The following CTIF variants were observed in gnomAD, a reference collection of about 807,000 sequenced individuals.
CTIF encodes the protein CBP80/20-dependent translation initiation factor.
Under a neutral mutation model 66.0 loss-of-function variants are expected in CTIF, and 21 were observed. The ratio of observed to expected loss-of-function variants is 0.32; its 90% CI spans 0.23 to 0.46. CTIF has a LOEUF of 0.46. CTIF is among the 20% of genes least tolerant of loss of function. The pLI, the probability that CTIF is intolerant of heterozygous loss-of-function variation, is 1.00. For synonymous variants in CTIF, 345 were observed against 326.4 expected, an observed-to-expected ratio of 1.06 and a Z score of -0.62; for missense variants, 739 against 812.7, an observed-to-expected ratio of 0.91 and a Z score of 1.10.
rs563231654 is a variant in CTIF at position 48,778,531 on chromosome 18, G to T, written c.1371+16842G>T. 8.5e-5 allele frequency among the ~76,000 whole-genome samples: 13 copies of T among 152,280 alleles called. No individual in the cohort carries two copies. The South Asian group carries it at 2.7e-3, about 32-fold the overall frequency. On this transcript the variant is annotated intron_variant, in intron 9 of 11. Transcript: ENST00000256413. Reference sequence around the variant, plus strand: ...TTGTACCAGGGGAACCTGGCCAGGGGATGGCCGTTCAGCCTCTGGGCATGT... The same window carrying T: ...TTGTACCAGGGGAACCTGGCCAGGGTATGGCCGTTCAGCCTCTGGGCATGT...
At chr18:48,570,950 A>C (rs1028717083) in intron 1 of CTIF, among the ~76,000 whole-genome samples, 9 of 152,198 alleles carry the variant, frequency 5.9e-5, no homozygotes, top group Non-Finnish European at 1.2e-4. Flanking sequence ...AGCTGGATAG[A>C]GGTGCTGGCT....
intron 7 of CTIF, among the ~76,000 whole-genome samples, chr18:48,724,443 G>A (rs1277763907): frequency 2.0e-5 from 3 of 152,076 alleles, no homozygotes; most frequent in Admixed American, 1.3e-4. Context: ...CTTTGAACAG[G>A]CCTGTCTCTG....
At chr18:48,852,492 T>TAG (rs1282897371) in intron 10 of CTIF, among the ~76,000 whole-genome samples, 34 of 152,282 alleles carry the variant, frequency 2.2e-4, no homozygotes, top group Non-Finnish European at 4.3e-4. Flanking sequence ...ACCTGCTTAC[T>TAG]AATCTTTATC....
chr18:48,571,392 G>A (rs1309878488), intron 1 of CTIF, among the ~76,000 whole-genome samples: 2 of 152,142 alleles, frequency 1.3e-5, no homozygotes, highest in African/African-American at 2.4e-5. Context: ...CCCTGACCTC[G>A]TGATCCACCC....
chr18:48,663,591 A>G (rs1017822470), intron 3 of CTIF, among the ~76,000 whole-genome samples, 161 bp from the exon 4 acceptor site: 15 of 152,054 alleles, frequency 9.9e-5, no homozygotes, highest in Admixed American at 9.2e-4. Context: ...GGGGGAGGCC[A>G]GGAGACCCCC....
intron 10 of CTIF, among the ~76,000 whole-genome samples, chr18:48,850,278 G>C (rs909904060): frequency 2.0e-5 from 3 of 152,154 alleles, no homozygotes; most frequent in African/African-American, 7.2e-5. Context: ...TGAACACTTG[G>C]GTTGTTCCGC....
intron 6 of CTIF, among the ~76,000 whole-genome samples, chr18:48,682,349 A>G (rs568844956): frequency 6.6e-6 from 1 of 152,186 alleles, no homozygotes; most frequent in East Asian, 1.9e-4. Flanking sequence ...CAGGTCCTCA[A>G]AGTGTGGCCC....
intron 7 of CTIF, among the ~76,000 whole-genome samples, chr18:48,735,995 C>G (rs1444828486): frequency 6.6e-6 from 1 of 152,090 alleles, no homozygotes; most frequent in African/African-American, 2.4e-5. Context: ...TAGGATGGCC[C>G]CGTTCCTGGG....
chr18:48,683,336 T>A (rs999792777), intron 6 of CTIF, among the ~76,000 whole-genome samples: 1 of 150,488 alleles, frequency 6.6e-6, no homozygotes, highest in Non-Finnish European at 1.5e-5. Context: ...CCACAGAAAA[T>A]GACGGCCTGT....
At position 48,561,154 on chromosome 18, in the gene CTIF, C is replaced by T. The variant is rs528670081; in HGVS notation, c.-29+21842C>T. On this transcript the variant is annotated intron_variant, in intron 1 of 11. Transcript: ENST00000256413. ...CATGGGAGGCTGAGGCAGGAAATCA[C>T]TTGAACCTGGCGTGTGGAGGTTGCA... Among the ~76,000 whole-genome samples the T allele has an allele frequency of 2.6e-4, 38 of 143,466 alleles. 1 individual carries two copies. The South Asian group carries it at 8.1e-3, about 31-fold the overall frequency. The allele number at this position is 143,466 out of a possible 152,430, so 94.1% of individuals were successfully genotyped here.
intron 7 of CTIF, among the ~76,000 whole-genome samples, chr18:48,733,011 AAAG>A (rs1214681681): frequency 1.3e-5 from 2 of 152,214 alleles, no homozygotes; most frequent in Non-Finnish European, 2.9e-5. Flanking sequence ...ATCATCAGAA[AAAG>A]AAGGAGGAGG....
chr18:48,739,870 C>T (rs1426179732), intron 7 of CTIF, among the ~76,000 whole-genome samples: 1 of 152,226 alleles, frequency 6.6e-6, no homozygotes, highest in Admixed American at 6.5e-5. Flanking sequence ...GTCTTCCTCC[C>T]TTTCCCTGGA....
At chr18:48,718,632 T>G (rs572169127) in intron 7 of CTIF, among the ~76,000 whole-genome samples, 10 of 152,278 alleles carry the variant, frequency 6.6e-5, no homozygotes, top group Admixed American at 5.2e-4. Context: ...CTTGGCGGAT[T>G]GGATGGTGCC....
intron 7 of CTIF, among the ~76,000 whole-genome samples, chr18:48,741,241 C>G (rs902610898): frequency 2.6e-5 from 4 of 151,374 alleles, no homozygotes; most frequent in African/African-American, 4.9e-5. Flanking sequence ...AGCCAGCAGC[C>G]TGCCTCTCCA....
chr18:48,827,686 G>C (rs1025938531), intron 10 of CTIF, among the ~76,000 whole-genome samples: 2 of 152,018 alleles, frequency 1.3e-5, no homozygotes, highest in Non-Finnish European at 2.9e-5. Flanking sequence ...CCTAGGGCCA[G>C]GTACCCAGCC....
rs541756985 is a variant in CTIF at position 48,739,584 on chromosome 18, A to G, written c.585-18335A>G. On this transcript the variant is annotated intron_variant, in intron 7 of 11. Coordinates refer to ENST00000256413, the MANE Select transcript of CTIF (RefSeq NM_014772.3). ...CTTTGAAGAGACTGTCATCACCGCC[A>G]CTCACAGGGCAGCAGTGGAGACTGA... is the stretch of plus-strand genomic sequence containing the variant. Among the ~76,000 whole-genome samples, 666 of 152,156 alleles carry G rather than the reference A, an allele frequency of 4.4e-3. 2 individuals carry two copies. Among genetic ancestry groups the G allele is most frequent in the African/African-American group, 0.015 (629 of 41,504 alleles).
chr18:48,545,669 G>C (rs1033197338), intron 1 of CTIF, among the ~76,000 whole-genome samples: 1 of 152,042 alleles, frequency 6.6e-6, no homozygotes, highest in Non-Finnish European at 1.5e-5. Flanking sequence ...TCAGTGCTCC[G>C]GTATTGAATT....
chr18:48,560,659 C>T (rs2089137253), intron 1 of CTIF, among the ~76,000 whole-genome samples: 1 of 152,200 alleles, frequency 6.6e-6, no homozygotes, highest in Non-Finnish European at 1.5e-5. Context: ...CAACCTCCGC[C>T]TCTTGGCCTC....
chr18:48,627,870 A>G (rs1468797637), intron 2 of CTIF, among the ~76,000 whole-genome samples: 2 of 152,066 alleles, frequency 1.3e-5, no homozygotes, highest in Non-Finnish European at 1.5e-5. Flanking sequence ...AGGCAGAGGG[A>G]GTGGCCAGGG....
Sources: allele counts gnomAD v4.1 joint callset (sites outside exome capture counted in the v4.1 genomes callset), GRCh38; gene constraint gnomAD v4.1.1; transcripts MANE v1.5; gene names NCBI Gene and HGNC (gene_info 2026-07-23, HGNC 2026-07-21).